The following ABCD3 variants were observed in gnomAD, a reference collection of about 807,000 sequenced individuals.
The protein encoded by ABCD3 is ATP-binding cassette sub-family D member 3.
ABCD3 carries 41 observed loss-of-function variants against 105.5 expected under a neutral mutation model. The ratio of observed to expected loss-of-function variants is 0.39; its 90% CI spans 0.30 to 0.50. The LOEUF (loss-of-function observed/expected upper bound fraction) is 0.50. Ranked by LOEUF, ABCD3 falls within the 20% of genes least tolerant of loss-of-function variation. ABCD3 has a pLI of 0.84. For synonymous variants in ABCD3, 258 were observed against 269.0 expected (o/e 0.96, Z 0.40); for missense variants, 622 against 806.3 (o/e 0.77, Z 2.77).
chr1:94,458,553 T>C, intron 1 of ABCD3, 54 bp from the exon 2 acceptor site: 5 of 1,497,976 alleles, frequency 3.3e-6, no homozygotes, highest in Non-Finnish European at 4.6e-6. Flanking sequence ...ATCATCTTAA[T>C]GATAACACTT....
chr1:94,403,346 T>A, the ABCD3 span, among the ~76,000 whole-genome samples: 1 of 152,158 alleles, frequency 6.6e-6, no homozygotes, highest in Non-Finnish European at 1.5e-5. Flanking sequence ...TTTGTCCAGT[T>A]TATTCATTGT....
chr1:94,426,928 C>T (rs1659494028), intron 1 of ABCD3, among the ~76,000 whole-genome samples: 1 of 149,322 alleles, frequency 6.7e-6, no homozygotes, highest in African/African-American at 2.5e-5. Context: ...CTTCTTCCCT[C>T]TGAAACTTTT....
At chr1:94,421,672 T>C (rs1287264351) in intron 1 of ABCD3, among the ~76,000 whole-genome samples, 2 of 151,894 alleles carry the variant, frequency 1.3e-5, no homozygotes, top group Non-Finnish European at 2.9e-5. Flanking sequence ...GATAGCAGAA[T>C]GAAATGTACA....
At chr1:94,498,123 A>C (rs11165150) in intron 16 of ABCD3, among the ~76,000 whole-genome samples, 2 of 152,004 alleles carry the variant, frequency 1.3e-5, no homozygotes, top group Non-Finnish European at 2.9e-5. Flanking sequence ...CTGTCAGCCT[A>C]GGTGACATCA....
intron 20 of ABCD3, among the ~76,000 whole-genome samples, chr1:94,505,289 C>T (rs1351160784): frequency 6.6e-6 from 1 of 151,972 alleles, no homozygotes; most frequent in African/African-American, 2.4e-5. Context: ...CAGCCTTGAG[C>T]CTTGACCTAC....
the ABCD3 span, among the ~76,000 whole-genome samples, chr1:94,391,514 G>A: frequency 1.3e-5 from 2 of 152,060 alleles, no homozygotes; most frequent in East Asian, 1.9e-4. Context: ...TTCCATTCCA[G>A]GTCCTGTCAT....
chr1:94,444,779 A>G (rs1205605012), intron 1 of ABCD3, among the ~76,000 whole-genome samples: 3 of 152,060 alleles, frequency 2.0e-5, no homozygotes, highest in African/African-American at 7.2e-5. Flanking sequence ...CACTTGTAAG[A>G]CTGTTGATTT....
Position 94,487,701 on chromosome 1 carries a change from C to G in ABCD3, c.975C>G (p.Ala325=), listed in dbSNP as rs1649337215. The change falls in exon 12 of 23, where the codon GCC becomes GCG. Residue 325 remains alanine, a synonymous_variant. Coordinates refer to ENST00000370214, the MANE Select transcript of ABCD3 (RefSeq NM_002858.4). ...FIDSIIAKYL[A]TVVGYLVVSR... ...TTACCTGTTTGGTTTCAGACCTTGC[C>G]ACTGTTGTTGGTTACCTAGTTGTCA... 1 of 1,613,900 alleles carries G rather than the reference C, an allele frequency of 6.2e-7. No individual in the cohort carries two copies. Among genetic ancestry groups the G allele is most frequent in the African/African-American group, 1.3e-5 (1 of 74,984 alleles).
At chr1:94,509,465 T>A (rs1276240377) in intron 21 of ABCD3, among the ~76,000 whole-genome samples, 1 of 152,198 alleles carries the variant, frequency 6.6e-6, no homozygotes, top group South Asian at 2.1e-4. Context: ...TGGTTGTGTC[T>A]CTGCCTGGCT....
chr1:94,486,887 C>A (rs1367479128), intron 10 of ABCD3, among the ~76,000 whole-genome samples: 3 of 152,150 alleles, frequency 2.0e-5, no homozygotes, highest in Non-Finnish European at 2.9e-5. Context: ...AAGCATATGA[C>A]CTTAAAAATA....
At chr1:94,471,599 CTAAA>C (rs1448402116) in intron 4 of ABCD3, among the ~76,000 whole-genome samples, 7 of 151,820 alleles carry the variant, frequency 4.6e-5, no homozygotes, top group Non-Finnish European at 7.4e-5. Flanking sequence ...TAACTTTCTC[CTAAA>C]TAGTTTTGAG....
intron 9 of ABCD3, among the ~76,000 whole-genome samples, chr1:94,481,084 A>G (rs922753009): frequency 2.3e-4 from 35 of 152,206 alleles, no homozygotes; most frequent in African/African-American, 7.7e-4. Context: ...TTCAAAATCT[A>G]CCTCTTCCAC....
In ABCD3 at chr1:94,517,228, T is replaced by TTA; in HGVS notation, c.*99_*100insTA. 2.3e-5 allele frequency: 18 copies of TTA among 781,568 alleles called. No individual in the cohort carries two copies. The highest frequency in any genetic ancestry group is 2.9e-5 in the Non-Finnish European group (14 of 484,880). The allele number at this position is 781,568 out of a possible 1,614,324, so 48.4% of individuals were successfully genotyped here. On this transcript the variant is annotated 3_prime_UTR_variant, in exon 23 of 23. Transcript: ENST00000370214. ...AAATAAAGTTGAGCTTAGTTTTTTT[T>TTA]AAAAAAAAAAACAAAGCAACAAATT...
chr1:94,490,995 G>C (rs1430618778), intron 15 of ABCD3, among the ~76,000 whole-genome samples, 189 bp from the exon 16 acceptor site: 3 of 151,980 alleles, frequency 2.0e-5, no homozygotes. Flanking sequence ...GTTTTGATTT[G>C]CATTTTCCTG....
At chr1:94,437,359 T>G (rs1371560269) in intron 1 of ABCD3, among the ~76,000 whole-genome samples, 1 of 152,212 alleles carries the variant, frequency 6.6e-6, no homozygotes, top group Non-Finnish European at 1.5e-5. Context: ...TTGAAGCCAA[T>G]ACACATTTAC....
chr1:94,395,833 G>A, the ABCD3 span, among the ~76,000 whole-genome samples: 82 of 151,684 alleles, frequency 5.4e-4, no homozygotes, highest in East Asian at 1.4e-3. Context: ...GTGTGTGCAC[G>A]CGTGTGAGAG....
the ABCD3 span, among the ~76,000 whole-genome samples, chr1:94,405,495 G>A: frequency 4.0e-5 from 6 of 151,880 alleles, no homozygotes; most frequent in African/African-American, 1.5e-4. Context: ...GTACAGACAG[G>A]GTTTCTCTAT....
At chr1:94,444,538 G>A (rs149096718) in intron 1 of ABCD3, among the ~76,000 whole-genome samples, 1 of 152,054 alleles carries the variant, frequency 6.6e-6, no homozygotes, top group Non-Finnish European at 1.5e-5. Flanking sequence ...ACGCATTTAA[G>A]GTTATAAAGT....
intron 2 of ABCD3, among the ~76,000 whole-genome samples, chr1:94,463,359 T>C (rs1247126030): frequency 6.6e-6 from 1 of 152,226 alleles, no homozygotes; most frequent in East Asian, 1.9e-4. Context: ...ATTATGTCTA[T>C]AAAGCCTTAG....
Sources: allele counts gnomAD v4.1 joint callset (sites outside exome capture counted in the v4.1 genomes callset), GRCh38; gene constraint gnomAD v4.1.1; transcripts MANE v1.5; gene names NCBI Gene and HGNC (gene_info 2026-07-23, HGNC 2026-07-21).